Variants in SPINDOC observed in about 807,000 individuals in gnomAD.
SPINDOC encodes the protein spindlin interactor and repressor of chromatin binding, also known as spindlin interactor and repressor of chromatin-binding protein.
SPINDOC carries 13 observed loss-of-function variants against 30.7 expected under a neutral mutation model. The observed-to-expected ratio is 0.42, with a 90% CI of 0.28 to 0.67. SPINDOC has a LOEUF of 0.67. Ranked by LOEUF, SPINDOC falls within the 30% of genes least tolerant of loss-of-function variation. The pLI, the probability that SPINDOC is intolerant of heterozygous loss-of-function variation, is 0.22. For missense variants in SPINDOC, 438 were observed against 518.0 expected, an observed-to-expected ratio of 0.85 and a Z score of 1.50; for synonymous variants, 228 against 211.4, an observed-to-expected ratio of 1.08 and a Z score of -0.68.
chr11:63,822,279 G>A (rs1382228425), intron 5 of SPINDOC, among the ~76,000 whole-genome samples: 1 of 149,696 alleles, frequency 6.7e-6, no homozygotes, highest in East Asian at 2.0e-4. Context: ...AAGAATTTGA[G>A]GTTGCAGTAA....
At chr11:63,813,946 G>A in intron 1 of SPINDOC, 133 bp downstream of exon 1, 2 of 1,201,628 alleles carry the variant, frequency 1.7e-6, no homozygotes, top group Non-Finnish European at 2.2e-6. Context: ...TTCCCTCTCG[G>A]ATCTGGGTCC....
chr11:63,826,100 G>C (rs549557123), intron 5 of SPINDOC, among the ~76,000 whole-genome samples: 1 of 152,134 alleles, frequency 6.6e-6, no homozygotes, highest in South Asian at 2.1e-4. Context: ...CACTATGCCT[G>C]CCTAATTTCT....
At chr11:63,824,763 CAA>C (rs138145513) in intron 5 of SPINDOC, among the ~76,000 whole-genome samples, 315 of 141,060 alleles carry the variant, frequency 2.2e-3, no homozygotes, top group Non-Finnish European at 3.4e-3. Context: ...GACTCCATCT[CAA>C]AAAAAAAAAA....
At position 63,818,112 on chromosome 11, in the gene SPINDOC, G is replaced by A; in HGVS notation, c.435G>A (p.Glu145=). Residue 145 remains glutamate (E), a synonymous_variant, in exon 2 of 6, where the codon GAG becomes GAA. Transcript: ENST00000294244. The surrounding 1 kb of genome is among the most constrained non-coding windows in gnomAD (Gnocchi z 5.3). ...CCCTCTTGCAAGACGTGAGAGCTGA[G>A]CAGCCGTCCCCACCCAACTCAGGTA... ...GVALLQDVRA[E]QPSPPNSDSG... The A allele has an allele frequency of 6.2e-7, 1 of 1,614,096 alleles. No homozygotes were observed. The highest frequency in any genetic ancestry group is 2.2e-5 in the East Asian group (1 of 44,876).
rs761019870 is a variant in SPINDOC, at chr11:63,819,019, G to C, written c.934+17G>C. The C allele has an allele frequency of 6.5e-6, 10 of 1,545,432 alleles. No homozygotes were observed. In the South Asian group the frequency reaches 8.9e-5, roughly 14 times the overall value. On this transcript the variant is annotated intron_variant, in intron 5 of 5. Coordinates refer to ENST00000294244, the MANE Select transcript of SPINDOC (RefSeq NM_138471.3). The stretch of plus-strand genomic sequence containing the variant: ...CCTCTCCAGGTGAGCCCTCCTGAGA[G>C]GGAAGCACAGTAGGGACCTCGCAGG...
Position 63,818,682 on chromosome 11 carries a change from C to A in SPINDOC, c.733+30C>A. 6.2e-7 allele frequency: 1 copy of A among 1,612,646 alleles called. No individual in the cohort carries two copies. The highest frequency in any genetic ancestry group is 8.5e-7 in the Non-Finnish European group (1 of 1,179,702). On this transcript the variant is annotated intron_variant, in intron 4 of 5. Coordinates refer to ENST00000294244, the MANE Select transcript of SPINDOC (RefSeq NM_138471.3). This position sits in a 1 kb window ranked among gnomAD's most constrained non-coding sequence, Gnocchi z 5.3. The stretch of plus-strand genomic sequence containing the variant: ...AGGGGAGGCCCGGGGGAGGCGTGGG[C>A]TCTGGCCGCAGTGCTCTGAGGAAAT...
rs191676923 is a variant in SPINDOC at position 63,823,744 on chromosome 11, G to A, written c.935-3184G>A. ...CTCCCAAGGAGCTGGGACTACAGGC[G>A]CCCACCACCACACCTGGCTAATTTT... is the stretch of plus-strand genomic sequence containing the variant. On this transcript the variant is annotated intron_variant, in intron 5 of 5. Transcript: ENST00000294244. Among the ~76,000 whole-genome samples, 1,050 of 151,422 alleles carry A rather than the reference G, an allele frequency of 6.9e-3. 13 individuals are homozygous for A. Among genetic ancestry groups the A allele is most frequent in the African/African-American group, 0.023 (961 of 41,232 alleles).
chr11:63,821,564 G>A (rs1249701307), intron 5 of SPINDOC, among the ~76,000 whole-genome samples: 1 of 152,164 alleles, frequency 6.6e-6, no homozygotes, highest in Non-Finnish European at 1.5e-5. Flanking sequence ...CTAGTCCTCT[G>A]TTCACCTCTC....
intron 5 of SPINDOC, among the ~76,000 whole-genome samples, chr11:63,821,839 C>G (rs1259740167): frequency 6.6e-6 from 1 of 152,120 alleles, no homozygotes; most frequent in African/African-American, 2.4e-5. Flanking sequence ...ACCTCAAACT[C>G]CCAGGCTCAA....
chr11:63,820,999 C>T (rs2015505327), intron 5 of SPINDOC, among the ~76,000 whole-genome samples: 2 of 151,666 alleles, frequency 1.3e-5, no homozygotes, highest in Non-Finnish European at 2.9e-5. Flanking sequence ...CTGCAATGAG[C>T]TATGATCACA....
In SPINDOC at chr11:63,818,174, T is replaced by A. The variant is rs1207404780; in HGVS notation, c.457+40T>A. The A allele has an allele frequency of 6.2e-7, 1 of 1,613,166 alleles. No homozygotes were observed. Among genetic ancestry groups the A allele is most frequent in the Middle Eastern group, 1.7e-4 (1 of 6,060 alleles). The stretch of plus-strand genomic sequence containing the variant: ...GGCTGGCGAAGGGAGAAGTCGGACT[T>A]GTTGGGGCACTAGAAGCTCATTGTG... On this transcript the variant is annotated intron_variant, in intron 2 of 5. Coordinates refer to ENST00000294244, the MANE Select transcript of SPINDOC (RefSeq NM_138471.3). This position sits in a 1 kb window ranked among gnomAD's most constrained non-coding sequence, Gnocchi z 5.3.
At chr11:63,823,676 A>G (rs961486705) in intron 5 of SPINDOC, among the ~76,000 whole-genome samples, 1 of 151,872 alleles carries the variant, frequency 6.6e-6, no homozygotes, top group South Asian at 2.1e-4. Flanking sequence ...GCTCACTGCA[A>G]GCTCCGCCTC....
At chr11:63,826,627 G>A (rs2015660650) in intron 5 of SPINDOC, among the ~76,000 whole-genome samples, 2 of 152,178 alleles carry the variant, frequency 1.3e-5, no homozygotes, top group African/African-American at 2.4e-5. Flanking sequence ...AGGAGTTACA[G>A]GAAGAGGCAC....
Position 63,827,080 on chromosome 11 carries a change from G to T in SPINDOC, c.1087G>T (p.Val363Phe), listed in dbSNP as rs1417923430. The T allele has an allele frequency of 6.4e-7, 1 of 1,552,994 alleles. No homozygotes were observed. The highest frequency in any genetic ancestry group is 1.4e-5 in the African/African-American group (1 of 72,980). ...GAGDTSDWPT[V>F]LSESSTTVAG... ...AGGTGACACCTCAGACTGGCCCACA[G>T]TTCTGTCAGAATCCAGCACCACTGT... The change falls in exon 6 of 6, where the codon GTT becomes TTT. Residue 363 changes from valine to phenylalanine, a missense_variant. Coordinates refer to ENST00000294244, the MANE Select transcript of SPINDOC (RefSeq NM_138471.3).
chr11:63,825,147 C>T (rs977435264), intron 5 of SPINDOC, among the ~76,000 whole-genome samples: 11 of 152,178 alleles, frequency 7.2e-5, no homozygotes, highest in Non-Finnish European at 1.5e-5. Context: ...GATCCAGTCA[C>T]TCCTCTACTC....
Position 63,813,579 on chromosome 11 carries a change from G to T in SPINDOC, c.-108G>T. The T allele has an allele frequency of 1.0e-6, 1 of 994,098 alleles. No homozygotes were observed. The highest frequency in any genetic ancestry group is 1.2e-6 in the Non-Finnish European group (1 of 811,542). 61.6% of individuals were successfully genotyped at this position (994,098 alleles called of 1,614,324 possible). ...GCGGGGAGGGGGCTGCGCGGGGCGG[G>T]CGGCGGGCCCGGCGCTATTCCGGCC... On this transcript the variant is annotated 5_prime_UTR_variant, in exon 1 of 6. Transcript: ENST00000294244.
rs550041764 is a variant in SPINDOC at position 63,815,368 on chromosome 11, C to T, written c.127+1555C>T. Among the ~76,000 whole-genome samples the T allele has an allele frequency of 7.9e-5, 12 of 152,304 alleles. No homozygotes were observed. The East Asian group carries it at 2.3e-3, about 29-fold the overall frequency. ...AAAGATTGAATTCAAGGTTTTTGGC[C>T]TGAGCAACTGGAGGAAGAGCCTTCC... is the stretch of plus-strand genomic sequence containing the variant. On this transcript the variant is annotated intron_variant, in intron 1 of 5. Transcript: ENST00000294244.
At chr11:63,820,916 A>G (rs59547511) in intron 5 of SPINDOC, among the ~76,000 whole-genome samples, 6,540 of 139,112 alleles carry the variant, frequency 0.047, 506 homozygotes, top group African/African-American at 0.16. Flanking sequence ...AACAACACAC[A>G]TCGCTTGTGC....
Position 63,818,621 on chromosome 11 carries a change from A to G in SPINDOC, c.702A>G (p.Arg234=). The G allele has an allele frequency of 6.2e-7, 1 of 1,613,724 alleles. No individual in the cohort carries two copies. The change falls in exon 4 of 6, where the codon AGA becomes AGG. Residue 234 remains arginine, a synonymous_variant. Coordinates refer to ENST00000294244, the MANE Select transcript of SPINDOC (RefSeq NM_138471.3). This position sits in a 1 kb window ranked among gnomAD's most constrained non-coding sequence, Gnocchi z 5.3. ...AGCCAGTCAGAAAGAAAAGAGGCAG[A>G]CCTATGACCAAAAACCTGGACCCTG... ...GEEPVRKKRG[R]PMTKNLDPDP...
Sources: allele counts gnomAD v4.1 joint callset (sites outside exome capture counted in the v4.1 genomes callset), GRCh38; gene constraint gnomAD v4.1.1; non-coding constraint Gnocchi (gnomAD v3.1); transcripts MANE v1.5; gene names NCBI Gene and HGNC (gene_info 2026-07-23, HGNC 2026-07-21).